RPTOR: variants seen among roughly 807,000 people sequenced by gnomAD.
RPTOR encodes the protein regulatory associated protein of MTOR complex 1.
Under a neutral mutation model 169.9 loss-of-function variants are expected in RPTOR, and 21 were observed. The observed-to-expected ratio is 0.12, with a 90% confidence interval of 0.09 to 0.18. The LOEUF (loss-of-function observed/expected upper bound fraction) is 0.18, where lower values mean the gene tolerates loss of function less well. Among genes scored for constraint, RPTOR ranks in the 10% least tolerant of loss-of-function variants. The pLI is 1.00. For synonymous variants in RPTOR, 732 were observed against 753.2 expected (o/e 0.97, Z 0.46); for missense variants, 1,133 against 1,855.9 (o/e 0.61, Z 7.16).
In RPTOR at chr17:80,659,460, T is replaced by G. The variant is rs2065704610; in HGVS notation, c.348+15650T>G. Among the ~76,000 whole-genome samples, 1 of 152,114 alleles carries G rather than the reference T, an allele frequency of 6.6e-6. No homozygotes were observed. The highest frequency in any genetic ancestry group is 1.5e-5 in the Non-Finnish European group (1 of 68,018). The stretch of plus-strand genomic sequence containing the variant: ...GATCCTCCCACCTCAGCCTCCTGAG[T>G]AGCTGGGACTACAGGTATGCGACAC... On this transcript the variant is annotated intron_variant, in intron 3 of 33. Transcript: ENST00000306801. The surrounding 1 kb of genome is among the most constrained non-coding windows in gnomAD (Gnocchi z 4.3).
intron 14 of RPTOR, 101 bp from the exon 15 acceptor site, chr17:80,883,318 C>A: frequency 2.0e-6 from 2 of 1,013,950 alleles, no homozygotes; most frequent in Non-Finnish European, 3.1e-6. Flanking sequence ...TAATTATGCG[C>A]CACGCGTGTC....
At position 80,907,952 on chromosome 17, in the gene RPTOR, G is replaced by A. The variant is rs146466281; in HGVS notation, c.2402-859G>A. Reference sequence around the variant, plus strand: ...TTCCTGCATCTCCCTGAGGCCGCACGCTGTCGTGGACGTAGCATGGCTCAA... The same window carrying A: ...TTCCTGCATCTCCCTGAGGCCGCACACTGTCGTGGACGTAGCATGGCTCAA... On this transcript the variant is annotated intron_variant, in intron 20 of 33. Transcript: ENST00000306801. Among the ~76,000 whole-genome samples, 625 of 152,262 alleles carry A rather than the reference G, an allele frequency of 4.1e-3. 4 individuals are homozygous for A. Among genetic ancestry groups the A allele is most frequent in the African/African-American group, 0.014 (592 of 41,526 alleles).
intron 3 of RPTOR, among the ~76,000 whole-genome samples, chr17:80,649,286 T>C (rs1365856183): frequency 3.3e-5 from 5 of 152,188 alleles, no homozygotes; most frequent in African/African-American, 1.2e-4. Flanking sequence ...GCGACATTAG[T>C]TCCAAATTGA....
chr17:80,937,605 G>A (rs542300514), intron 24 of RPTOR, among the ~76,000 whole-genome samples: 18 of 152,316 alleles, frequency 1.2e-4, no homozygotes, highest in Middle Eastern at 3.4e-3. Context: ...CAGGATCAGC[G>A]GCACCCACAG....
chr17:80,619,074 C>T (rs553409362), intron 1 of RPTOR, among the ~76,000 whole-genome samples: 17 of 152,238 alleles, frequency 1.1e-4, no homozygotes, highest in African/African-American at 4.1e-4. Flanking sequence ...CGGCTTTGCT[C>T]CGAGTTTCTG....
intron 3 of RPTOR, among the ~76,000 whole-genome samples, chr17:80,680,953 C>T (rs1238114244): frequency 6.6e-6 from 1 of 152,078 alleles, no homozygotes; most frequent in Non-Finnish European, 1.5e-5. Flanking sequence ...TTGGTTTTCA[C>T]CAGGAGACAA....
At chr17:80,597,151 C>T (rs965902457) in intron 1 of RPTOR, among the ~76,000 whole-genome samples, 2 of 152,158 alleles carry the variant, frequency 1.3e-5, no homozygotes, top group South Asian at 2.1e-4. Context: ...CCTTGAAGCT[C>T]GTAGTACCAA....
At position 80,841,146 on chromosome 17, in the gene RPTOR, T is replaced by TCTCACCGCACGGCAGCTCACA. The variant is rs1567942891; in HGVS notation, c.1212+3169_1212+3170insACTCACCGCACGGCAGCTCAC. On this transcript the variant is annotated intron_variant, in intron 10 of 33. Transcript: ENST00000306801. ...TCACACTCACCGCACGGCAGCTCAC[T>TCTCACCGCACGGCAGCTCACA]CTCACCGCACGGCAGCTCACTCTCA... 1.8e-4 allele frequency among the ~76,000 whole-genome samples: 3 copies of TCTCACCGCACGGCAGCTCACA among 16,448 alleles called. 1 individual carries two copies. The highest frequency in any genetic ancestry group is 5.8e-4 in the African/African-American group (2 of 3,470). The allele number at this position is 16,448 out of a possible 152,430, so 10.8% of individuals were successfully genotyped here.
intron 12 of RPTOR, among the ~76,000 whole-genome samples, chr17:80,855,830 C>A (rs2032860982): frequency 1.3e-5 from 2 of 152,118 alleles, no homozygotes; most frequent in South Asian, 4.1e-4. Flanking sequence ...GTCGGCCGGT[C>A]ACCTTTTCCT....
At chr17:80,893,247 T>C (rs531833644) in intron 19 of RPTOR, among the ~76,000 whole-genome samples, 13 of 151,102 alleles carry the variant, frequency 8.6e-5, no homozygotes, top group Admixed American at 7.9e-4. Context: ...GGGGCGTGTG[T>C]GCCAGGGTGT....
chr17:80,697,912 G>A (rs749074174), intron 3 of RPTOR, among the ~76,000 whole-genome samples: 39 of 105,996 alleles, frequency 3.7e-4, no homozygotes, highest in Non-Finnish European at 6.1e-4. Flanking sequence ...GTGGTACAGC[G>A]AAGTCAGAGG....
In RPTOR at chr17:80,602,191, G is replaced by A. The variant is rs1375404993; in HGVS notation, c.163-23500G>A. ...TCCTGGGCAGGGCGGCTGGCCGGGCGGGGGGCTGACCCCCCCACCTCCCTC... is the reference window on the plus strand; with the variant it reads ...TCCTGGGCAGGGCGGCTGGCCGGGCAGGGGGCTGACCCCCCCACCTCCCTC... On this transcript the variant is annotated intron_variant, in intron 1 of 33. Transcript: ENST00000306801. 5.4e-4 allele frequency among the ~76,000 whole-genome samples: 34 copies of A among 63,060 alleles called. 12 individuals carry two copies. The highest frequency in any genetic ancestry group is 2.4e-3 in the African/African-American group (33 of 13,838). 41.4% of individuals were successfully genotyped at this position (63,060 alleles called of 152,430 possible). A position where few individuals can be genotyped will look rare whatever the true frequency, so the allele number is the denominator to read the frequency against.
chr17:80,768,084 G>A (rs1283514253), intron 6 of RPTOR, among the ~76,000 whole-genome samples: 5 of 152,086 alleles, frequency 3.3e-5, no homozygotes, highest in Non-Finnish European at 5.9e-5. Flanking sequence ...GGATGGTCTC[G>A]ATTTCCAGAC....
intron 13 of RPTOR, among the ~76,000 whole-genome samples, chr17:80,873,397 G>T (rs955911151): frequency 6.6e-6 from 1 of 152,054 alleles, no homozygotes; most frequent in African/African-American, 2.4e-5. Flanking sequence ...TTTACTGAGC[G>T]CCTAATAGGA....
At chr17:80,846,638 C>T (rs889508287) in intron 11 of RPTOR, 64 bp downstream of exon 11, 40 of 1,392,686 alleles carry the variant, frequency 2.9e-5, no homozygotes, top group Admixed American at 6.9e-5. Context: ...GATGCCTGTA[C>T]AGCCCCGGGA....
At chr17:80,929,197 A>G (rs1033716744) in intron 24 of RPTOR, among the ~76,000 whole-genome samples, 2 of 152,236 alleles carry the variant, frequency 1.3e-5, no homozygotes, top group Admixed American at 6.5e-5. Context: ...GTATCTTTCT[A>G]TGAGGACTTG....
At chr17:80,825,575 A>T (rs1598332936) in intron 9 of RPTOR, among the ~76,000 whole-genome samples, 1 of 152,172 alleles carries the variant, frequency 6.6e-6, no homozygotes, top group Non-Finnish European at 1.5e-5. Flanking sequence ...TGCTCCCTGG[A>T]GCCTCACAGA....
chr17:80,755,861 G>A (rs189380928), intron 6 of RPTOR, among the ~76,000 whole-genome samples: 2 of 152,228 alleles, frequency 1.3e-5, no homozygotes, highest in Admixed American at 6.5e-5. Context: ...CCTGGCTGAT[G>A]CAGACTTAGC....
intron 7 of RPTOR, among the ~76,000 whole-genome samples, chr17:80,810,072 T>TAAATAAAGAAATAAAG: frequency 2.0e-5 from 3 of 151,222 alleles, no homozygotes; most frequent in Admixed American, 2.0e-4. Flanking sequence ...AATAAATAAA[T>TAAATAAAGAAATAAAG]AAATAAATAA....
Sources: gnomAD v4.1 joint callset for allele counts (sites outside exome capture counted in the v4.1 genomes callset) on GRCh38, gnomAD v4.1.1 for gene constraint, Gnocchi (gnomAD v3.1) non-coding constraint, MANE v1.5 for transcripts, NCBI Gene and HGNC (gene_info 2026-07-23, HGNC 2026-07-21) for gene names.